The following HECW2 variants were observed in gnomAD, a reference collection of about 807,000 sequenced individuals.
HECW2 encodes E3 ubiquitin-protein ligase HECW2.
Under a neutral mutation model 175.2 loss-of-function variants are expected in HECW2, and 61 were observed. That is an observed-to-expected ratio of 0.35 (90% CI 0.28 to 0.43). The LOEUF (loss-of-function observed/expected upper bound fraction) is 0.43, where lower values mean the gene tolerates loss of function less well. Ranked by LOEUF, HECW2 falls within the 20% of genes least tolerant of loss-of-function variation. HECW2 has a pLI of 1.00. For synonymous variants in HECW2, 671 were observed against 731.0 expected (o/e 0.92, Z 1.32); for missense variants, 1,524 against 2,000.5 (o/e 0.76, Z 4.54).
Position 196,376,071 on chromosome 2 carries a change from GT to G in HECW2, c.293-32308del, listed in dbSNP as rs1694043327. Among the ~76,000 whole-genome samples, 3 of 152,274 alleles carry G rather than the reference GT, an allele frequency of 2.0e-5. No individual in the cohort carries two copies. In the South Asian group the frequency reaches 6.2e-4, roughly 32 times the overall value. ...CCATTTTCCTAACAATTACCTAATG[GT>G]GGGAAGGGCACAATACATATTTTTG... On this transcript the variant is annotated intron_variant, in intron 2 of 28. Coordinates refer to ENST00000644978, the MANE Select transcript of HECW2 (RefSeq NM_001348768.2).
intron 1 of HECW2, among the ~76,000 whole-genome samples, chr2:196,542,800 CAGAG>C (rs989499341): frequency 8.0e-5 from 12 of 149,662 alleles, no homozygotes; most frequent in East Asian, 3.9e-4. Flanking sequence ...CATGGATACA[CAGAG>C]AAAGACATAT....
In HECW2 at chr2:196,211,773, C is replaced by T. The variant is rs531423804; in HGVS notation, c.4607+4092G>A. On this transcript the variant is annotated intron_variant, in intron 28 of 28. Transcript: ENST00000644978. The stretch of plus-strand genomic sequence containing the variant: ...TTGCCAGGACTGCCCTCATCCTTTA[C>T]AGCCCCTCCAACCCTCCAGGGCAGA... Among the ~76,000 whole-genome samples the T allele has an allele frequency of 2.6e-5, 4 of 152,318 alleles. No homozygotes were observed. In the East Asian group the frequency reaches 5.8e-4, roughly 22 times the overall value.
chr2:196,379,911 A>T (rs1050996999), intron 2 of HECW2, among the ~76,000 whole-genome samples: 1 of 152,050 alleles, frequency 6.6e-6, no homozygotes, highest in South Asian at 2.1e-4. Flanking sequence ...AAAAAAAAAA[A>T]AAAGGATGAG....
intron 13 of HECW2, among the ~76,000 whole-genome samples, chr2:196,304,146 T>C (rs1691173539): frequency 6.6e-6 from 1 of 152,332 alleles, no homozygotes; most frequent in Admixed American, 6.5e-5. Flanking sequence ...CAACCTTCTG[T>C]AGCCCTGCAC....
intron 1 of HECW2, among the ~76,000 whole-genome samples, chr2:196,522,820 T>A (rs1190641331): frequency 6.6e-6 from 1 of 152,122 alleles, no homozygotes; most frequent in Non-Finnish European, 1.5e-5. Flanking sequence ...AGGGCTCTGT[T>A]CTGTTCCATT....
rs184050053 is a variant in HECW2 at position 196,211,900 on chromosome 2, C to T, written c.4607+3965G>A. 4.0e-3 allele frequency among the ~76,000 whole-genome samples: 610 copies of T among 152,108 alleles called. 3 individuals carry two copies. The highest frequency in any genetic ancestry group is 0.014 in the African/African-American group (582 of 41,488). On this transcript the variant is annotated intron_variant, in intron 28 of 28. Coordinates refer to ENST00000644978, the MANE Select transcript of HECW2 (RefSeq NM_001348768.2). The stretch of plus-strand genomic sequence containing the variant: ...CTCTGTCGCCCAGGCTGGAGTGCAG[C>T]ATTGCCATCTCGGCTCACTGCAACC...
intron 1 of HECW2, among the ~76,000 whole-genome samples, chr2:196,495,511 C>T (rs1398858981): frequency 1.3e-5 from 2 of 152,050 alleles, no homozygotes; most frequent in Non-Finnish European, 2.9e-5. Context: ...AAAGAGAGAC[C>T]ACCAATAGGA....
At position 196,231,698 on chromosome 2, in the gene HECW2, C is replaced by A. The variant is rs138101570; in HGVS notation, c.3765-3444G>T. 5.3e-5 allele frequency among the ~76,000 whole-genome samples: 8 copies of A among 152,304 alleles called. No homozygotes were observed. In the East Asian group the frequency reaches 1.5e-3, roughly 29 times the overall value. ...AGGAAAATACTACTTGTTAAAATAT[C>A]TAGCTTATGGGCGGGGGCAGTGGCT... On this transcript the variant is annotated intron_variant, in intron 21 of 28. Coordinates refer to ENST00000644978, the MANE Select transcript of HECW2 (RefSeq NM_001348768.2).
At chr2:196,423,197 T>C (rs1315149963) in intron 2 of HECW2, among the ~76,000 whole-genome samples, 1 of 152,160 alleles carries the variant, frequency 6.6e-6, no homozygotes, top group African/African-American at 2.4e-5. Context: ...ATATTAATGA[T>C]AGTTTATAAT....
At chr2:196,565,470 A>G (rs903555444) in intron 1 of HECW2, among the ~76,000 whole-genome samples, 2 of 152,208 alleles carry the variant, frequency 1.3e-5, no homozygotes, top group Non-Finnish European at 2.9e-5. Flanking sequence ...ATGTCCTTTG[A>G]AAGTGGGGAA....
chr2:196,250,715 G>A (rs114721600), intron 19 of HECW2, among the ~76,000 whole-genome samples: 7,065 of 151,982 alleles, frequency 0.046, 556 homozygotes, highest in African/African-American at 0.16. Flanking sequence ...CTTCAGTGTC[G>A]TGCTGCCCAT....
intron 1 of HECW2, among the ~76,000 whole-genome samples, chr2:196,583,467 A>G (rs1690866064): frequency 6.6e-6 from 1 of 152,220 alleles, no homozygotes. Context: ...GCAGATTCAA[A>G]TTCAATAAGT....
chr2:196,311,895 C>T (rs1425490174), intron 10 of HECW2, among the ~76,000 whole-genome samples: 1 of 152,052 alleles, frequency 6.6e-6, no homozygotes, highest in Admixed American at 6.6e-5. Flanking sequence ...TATAAATAGG[C>T]GCTTTTCAGT....
intron 14 of HECW2, chr2:196,289,866 C>T (rs1690541235): frequency 6.6e-6 from 1 of 152,146 alleles, no homozygotes; most frequent in African/African-American, 2.4e-5. Flanking sequence ...TCCCTGAATG[C>T]TCCTTTAAGT....
intron 10 of HECW2, among the ~76,000 whole-genome samples, chr2:196,314,384 G>A (rs1258379630): frequency 2.6e-5 from 4 of 152,128 alleles, no homozygotes; most frequent in Non-Finnish European, 5.9e-5. Flanking sequence ...ACATATCACC[G>A]TGTAAGCCAC....
intron 15 of HECW2, among the ~76,000 whole-genome samples, chr2:196,277,453 AATC>A (rs1036971644): frequency 1.3e-5 from 2 of 152,180 alleles, no homozygotes; most frequent in African/African-American, 4.8e-5. Flanking sequence ...TTAGAATGGC[AATC>A]ATTAAAAAGT....
At position 196,199,677 on chromosome 2, in the gene HECW2, C is replaced by A. The variant is rs918261839; in HGVS notation, c.*1600G>T. The A allele has an allele frequency of 1.3e-5, 2 of 152,278 alleles. No individual in the cohort carries two copies. The highest frequency in any genetic ancestry group is 2.9e-5 in the Non-Finnish European group (2 of 67,984). The allele number at this position is 152,278 out of a possible 1,614,324, so 9.4% of individuals were successfully genotyped here. ...TGGCAAACCATATGTCAATCCAATG[C>A]TTTTATGACCCCCAATTTAACTTCA... On this transcript the variant is annotated 3_prime_UTR_variant, in exon 29 of 29. Coordinates refer to ENST00000644978, the MANE Select transcript of HECW2 (RefSeq NM_001348768.2).
intron 1 of HECW2, among the ~76,000 whole-genome samples, chr2:196,516,455 A>G (rs984760763): frequency 2.6e-5 from 4 of 152,184 alleles, no homozygotes; most frequent in African/African-American, 9.7e-5. Flanking sequence ...TAATTTTTGT[A>G]ATTTTTTCCT....
chr2:196,463,179 T>C (rs1300097546), intron 1 of HECW2, among the ~76,000 whole-genome samples: 1 of 152,146 alleles, frequency 6.6e-6, no homozygotes, highest in Non-Finnish European at 1.5e-5. Flanking sequence ...TCTCAACCTC[T>C]TTCACATGAG....
Sources: gnomAD v4.1 joint callset for allele counts (sites outside exome capture counted in the v4.1 genomes callset) on GRCh38, gnomAD v4.1.1 for gene constraint, MANE v1.5 for transcripts, NCBI Gene and HGNC (gene_info 2026-07-23, HGNC 2026-07-21) for gene names.